The following PPP1R9A variants were observed in gnomAD, a reference collection of about 807,000 sequenced individuals.
The protein encoded by PPP1R9A is protein phosphatase 1 regulatory subunit 9A.
A neutral mutation model predicts 141.9 loss-of-function variants in PPP1R9A; 59 were observed. The observed-to-expected ratio is 0.42, with a 90% confidence interval of 0.34 to 0.52. The LOEUF (loss-of-function observed/expected upper bound fraction) is 0.52, where lower values mean the gene tolerates loss of function less well. Among genes scored for constraint, PPP1R9A ranks in the 20% least tolerant of loss-of-function variants. The probability of loss-of-function intolerance (pLI) is 0.10; values close to 1 mark genes in which losing one functional copy is unlikely to be tolerated. For synonymous variants in PPP1R9A, 500 were observed against 569.7 expected, an observed-to-expected ratio of 0.88 and a Z score of 1.74; for missense variants, 1,444 against 1,611.9, an observed-to-expected ratio of 0.90 and a Z score of 1.78.
At position 95,175,751 on chromosome 7, in the gene PPP1R9A, C is replaced by T. The variant is rs117441464; in HGVS notation, c.1754+13780C>T. ...CAAGAAACTATCTGCTACCCATGAT[C>T]AATAACTATGCATTCATTTCACTTT... On this transcript the variant is annotated intron_variant, in intron 5 of 19. Transcript: ENST00000433360. 5.6e-3 allele frequency among the ~76,000 whole-genome samples: 846 copies of T among 152,194 alleles called. 3 individuals carry two copies. The highest frequency in any genetic ancestry group is 8.7e-3 in the Non-Finnish European group (594 of 68,010).
intron 5 of PPP1R9A, among the ~76,000 whole-genome samples, chr7:95,180,161 T>A (rs1298905871): frequency 6.6e-6 from 1 of 152,126 alleles, no homozygotes; most frequent in Non-Finnish European, 1.5e-5. Context: ...AGCATGGTAC[T>A]GGTATAAAAA....
chr7:95,176,194 C>T (rs1832872053), intron 5 of PPP1R9A, among the ~76,000 whole-genome samples: 2 of 152,076 alleles, frequency 1.3e-5, no homozygotes, highest in South Asian at 4.1e-4. Flanking sequence ...GTGCACACAA[C>T]CCCCAGTACC....
intron 2 of PPP1R9A, among the ~76,000 whole-genome samples, chr7:95,025,598 C>T (rs1327891675): frequency 6.6e-6 from 1 of 152,078 alleles, no homozygotes; most frequent in Non-Finnish European, 1.5e-5. Context: ...CTCTGTATTT[C>T]CTGAATTTAA....
chr7:95,245,408 G>T (rs1190435724), intron 8 of PPP1R9A, among the ~76,000 whole-genome samples: 2 of 152,136 alleles, frequency 1.3e-5, no homozygotes, highest in Admixed American at 6.5e-5. Flanking sequence ...GGTTTTAATG[G>T]TGATTCACTG....
At position 95,290,229 on chromosome 7, in the gene PPP1R9A, GAGC is replaced by G; in HGVS notation, c.4053_4055del (p.Gln1352del). On this transcript the variant is annotated inframe_deletion, in exon 20 of 20. Coordinates refer to ENST00000433360, the MANE Select transcript of PPP1R9A (RefSeq NM_001166160.2). ...AGAAAAGCTAAGGAGAAAGGAGCAA[GAGC>G]AAATGCAGAGGAAGTCCAAAAAGAC... The G allele has an allele frequency of 6.2e-7, 1 of 1,613,486 alleles. No homozygotes were observed. The highest frequency in any genetic ancestry group is 8.5e-7 in the Non-Finnish European group (1 of 1,179,732).
In PPP1R9A at chr7:95,099,084, C is replaced by T. The variant is rs1420757755; in HGVS notation, c.1396-12175C>T. Among the ~76,000 whole-genome samples, 5 of 152,272 alleles carry T rather than the reference C, an allele frequency of 3.3e-5. No individual in the cohort carries two copies. The South Asian group carries it at 1.0e-3, about 32-fold the overall frequency. On this transcript the variant is annotated intron_variant, in intron 2 of 19. Coordinates refer to ENST00000433360, the MANE Select transcript of PPP1R9A (RefSeq NM_001166160.2). The stretch of plus-strand genomic sequence containing the variant: ...TTAGACAATTTAGACTAATTTTCCT[C>T]CATGGGCTTTTAGAAACACAGTGCT...
chr7:95,054,117 T>TAA (rs1186827221), intron 2 of PPP1R9A, among the ~76,000 whole-genome samples: 1 of 150,406 alleles, frequency 6.6e-6, no homozygotes, highest in Non-Finnish European at 1.5e-5. Context: ...CCACTGTGTT[T>TAA]TTTTTTTTTT....
intron 3 of PPP1R9A, among the ~76,000 whole-genome samples, chr7:95,114,458 A>G (rs1453595270): frequency 2.0e-5 from 3 of 152,090 alleles, no homozygotes; most frequent in Non-Finnish European, 4.4e-5. Context: ...AGGGATATAT[A>G]GTGGCTTTTG....
intron 2 of PPP1R9A, among the ~76,000 whole-genome samples, chr7:95,067,540 TTG>T (rs1813118619): frequency 6.6e-6 from 1 of 152,066 alleles, no homozygotes; most frequent in Non-Finnish European, 1.5e-5. Flanking sequence ...TAACAAAAAT[TTG>T]TGTGAGAAAG....
At chr7:94,998,278 C>A (rs1802437761) in intron 2 of PPP1R9A, among the ~76,000 whole-genome samples, 1 of 152,106 alleles carries the variant, frequency 6.6e-6, no homozygotes. Flanking sequence ...CTCTGTTGGT[C>A]TCTACCTAAC....
chr7:95,274,268 A>G (rs1329781196), intron 16 of PPP1R9A, 100 bp downstream of exon 16: 6 of 1,095,736 alleles, frequency 5.5e-6, no homozygotes, highest in Non-Finnish European at 7.7e-6. Flanking sequence ...TCTTTGAGCT[A>G]AAGTGATATG....
At position 95,090,837 on chromosome 7, in the gene PPP1R9A, A is replaced by G. The variant is rs896258962; in HGVS notation, c.1396-20422A>G. Among the ~76,000 whole-genome samples, 3 of 151,984 alleles carry G rather than the reference A, an allele frequency of 2.0e-5. No individual in the cohort carries two copies. The East Asian group carries it at 5.8e-4, about 29-fold the overall frequency. ...AAAGAAAAAGAAAAAAATCATTCATAATCTTAGCATCCAGAAATTATGATG... is the reference window on the plus strand; with the variant it reads ...AAAGAAAAAGAAAAAAATCATTCATGATCTTAGCATCCAGAAATTATGATG... On this transcript the variant is annotated intron_variant, in intron 2 of 19. Coordinates refer to ENST00000433360, the MANE Select transcript of PPP1R9A (RefSeq NM_001166160.2).
intron 2 of PPP1R9A, among the ~76,000 whole-genome samples, chr7:94,925,750 A>G (rs1793397323): frequency 6.6e-6 from 1 of 152,038 alleles, no homozygotes; most frequent in Non-Finnish European, 1.5e-5. Flanking sequence ...TGTTATGTTC[A>G]TCATCTCTGC....
Position 95,270,386 on chromosome 7 carries a change from A to G in PPP1R9A, c.3124+879A>G, listed in dbSNP as rs1412840403. 2.0e-5 allele frequency among the ~76,000 whole-genome samples: 3 copies of G among 152,150 alleles called. No homozygotes were observed. The East Asian group carries it at 5.8e-4, about 29-fold the overall frequency. On this transcript the variant is annotated intron_variant, in intron 14 of 19. Transcript: ENST00000433360. ...ACAGCCATGTTTGATTGCAGGCTTGAGGATAAGGCTCTGGTTACCCTAACA... is the reference window on the plus strand; with the variant it reads ...ACAGCCATGTTTGATTGCAGGCTTGGGGATAAGGCTCTGGTTACCCTAACA...
At chr7:94,935,221 C>T (rs1056000993) in intron 2 of PPP1R9A, among the ~76,000 whole-genome samples, 7 of 152,126 alleles carry the variant, frequency 4.6e-5, no homozygotes, top group African/African-American at 1.2e-4. Flanking sequence ...CTCATCTCTC[C>T]GCCAAAGTAT....
chr7:95,029,093 G>A (rs536646523), intron 2 of PPP1R9A, among the ~76,000 whole-genome samples: 6 of 152,120 alleles, frequency 3.9e-5, no homozygotes, highest in Non-Finnish European at 5.9e-5. Flanking sequence ...GAGTGTAGGT[G>A]CTAGACTATA....
intron 3 of PPP1R9A, among the ~76,000 whole-genome samples, chr7:95,113,580 G>A (rs904200060): frequency 2.0e-5 from 3 of 152,146 alleles, no homozygotes; most frequent in African/African-American, 7.2e-5. Flanking sequence ...AAAATAATTA[G>A]ACTAGCATCA....
At chr7:95,131,052 T>C (rs180774792) in intron 4 of PPP1R9A, among the ~76,000 whole-genome samples, 1 of 152,322 alleles carries the variant, frequency 6.6e-6, no homozygotes, top group East Asian at 1.9e-4. Context: ...GGTTTTGAAA[T>C]GTCAGGACAT....
chr7:94,945,178 G>T (rs144372506), intron 2 of PPP1R9A, among the ~76,000 whole-genome samples: 5 of 152,088 alleles, frequency 3.3e-5, no homozygotes, highest in African/African-American at 1.2e-4. Context: ...ATTTGTGTTA[G>T]GTCTCTCAGC....
Sources: allele counts gnomAD v4.1 joint callset (sites outside exome capture counted in the v4.1 genomes callset), GRCh38; gene constraint gnomAD v4.1.1; transcripts MANE v1.5; gene names NCBI Gene and HGNC (gene_info 2026-07-23, HGNC 2026-07-21).